BOD1L1: variants seen among roughly 807,000 people sequenced by gnomAD.
BOD1L1 encodes biorientation of chromosomes in cell division 1 like 1.
A neutral mutation model predicts 240.7 loss-of-function variants in BOD1L1; 86 were observed. The observed-to-expected ratio is 0.36, with a 90% confidence interval of 0.30 to 0.43. The LOEUF (loss-of-function observed/expected upper bound fraction) is 0.43. BOD1L1 is among the 20% of genes least tolerant of loss of function. The pLI, the probability that BOD1L1 is intolerant of heterozygous loss-of-function variation, is 1.00. For synonymous variants in BOD1L1, 1,268 were observed against 1,272.3 expected (o/e 1.00, Z 0.07); for missense variants, 3,554 against 3,643.5 (o/e 0.98, Z 0.63).
At position 13,600,960 on chromosome 4, in the gene BOD1L1, A is replaced by G; in HGVS notation, c.5940T>C (p.Thr1980=). The G allele has an allele frequency of 6.2e-7, 1 of 1,613,986 alleles. No homozygotes were observed. Among genetic ancestry groups the G allele is most frequent in the South Asian group, 1.1e-5 (1 of 91,084 alleles). Residue 1980 remains threonine, a synonymous_variant, in exon 10 of 26, where the codon ACT becomes ACC. Transcript: ENST00000040738. ...PVPGGCEGPM[T]SAASDQSDSQ... The stretch of plus-strand genomic sequence containing the variant: ...TGTCACTTTGATCAGATGCAGCACT[A>G]GTCATAGGACCCTCACAACCTCCTG...
At chr4:13,574,430 T>C (rs145466515) in intron 25 of BOD1L1, among the ~76,000 whole-genome samples, 42 of 152,336 alleles carry the variant, frequency 2.8e-4, no homozygotes, top group African/African-American at 9.4e-4. Context: ...GTTTATATTA[T>C]AAAGTGCATG....
intron 8 of BOD1L1, 99 bp downstream of exon 8, chr4:13,608,431 A>C (rs1014054409): frequency 8.8e-7 from 1 of 1,136,658 alleles, no homozygotes; most frequent in African/African-American, 1.6e-5. Flanking sequence ...AGTAACATAC[A>C]CAACCAAAGT....
chr4:13,583,497 A>G (rs1162522320), intron 17 of BOD1L1, among the ~76,000 whole-genome samples: 3 of 152,182 alleles, frequency 2.0e-5, no homozygotes, highest in Non-Finnish European at 4.4e-5. Context: ...GATGCATTCA[A>G]TGTCATTGGG....
chr4:13,581,824 G>A (rs1415751294), intron 19 of BOD1L1, among the ~76,000 whole-genome samples: 2 of 152,094 alleles, frequency 1.3e-5, no homozygotes, highest in African/African-American at 2.4e-5. Flanking sequence ...AGGTCCCCTC[G>A]AGTATTCCCT....
At chr4:13,623,924 A>G (rs1390771598) in intron 1 of BOD1L1, 1 of 152,196 alleles carries the variant, frequency 6.6e-6, no homozygotes, top group Non-Finnish European at 1.5e-5. Context: ...GGTTCTTTGC[A>G]TGAACAGGGA....
At position 13,598,931 on chromosome 4, in the gene BOD1L1, G is replaced by A; in HGVS notation, c.7954+15C>T. 1.3e-6 allele frequency: 2 copies of A among 1,576,928 alleles called. No individual in the cohort carries two copies. Among genetic ancestry groups the A allele is most frequent in the South Asian group, 1.2e-5 (1 of 85,472 alleles). ...TTGTAAATATTAAAATTTGCAATTAGGTACAGATTCTCACCTATGTCACAC... is the reference window on the plus strand; with the variant it reads ...TTGTAAATATTAAAATTTGCAATTAAGTACAGATTCTCACCTATGTCACAC... On this transcript the variant is annotated intron_variant, in intron 10 of 25. Transcript: ENST00000040738.
Position 13,613,030 on chromosome 4 carries a change from C to T in BOD1L1, c.1324+482G>A, listed in dbSNP as rs1394437002. On this transcript the variant is annotated intron_variant, in intron 5 of 25. Transcript: ENST00000040738. This position sits in a 1 kb window ranked among gnomAD's most constrained non-coding sequence, Gnocchi z 4.0. ...GGACTCTGCCCTGTGTGCCTCTTCC[C>T]TTGGCTGATTTTAATCTGAGCACCT... Among the ~76,000 whole-genome samples the T allele has an allele frequency of 6.6e-6, 1 of 152,160 alleles. No individual in the cohort carries two copies. The highest frequency in any genetic ancestry group is 1.9e-4 in the East Asian group (1 of 5,186).
intron 15 of BOD1L1, among the ~76,000 whole-genome samples, chr4:13,588,472 T>C (rs1713905731): frequency 6.6e-6 from 1 of 152,238 alleles, no homozygotes; most frequent in South Asian, 2.1e-4. Flanking sequence ...GGACTTCTTA[T>C]GGTTGATGAA....
intron 25 of BOD1L1, among the ~76,000 whole-genome samples, chr4:13,572,496 T>C (rs562635960): frequency 6.6e-6 from 1 of 152,342 alleles, no homozygotes; most frequent in Admixed American, 6.5e-5. Flanking sequence ...GACAAGCCTG[T>C]GTGGCAGTCC....
Position 13,586,491 on chromosome 4 carries a change from G to A in BOD1L1, c.8354-16C>T. The A allele has an allele frequency of 6.5e-7, 1 of 1,543,150 alleles. No individual in the cohort carries two copies. ...GGATTATCATCTGTAAATCAGTTTA[G>A]ACAGAATCACAAAGGAACAAAAGCT... On this transcript the variant is annotated splice_polypyrimidine_tract_variant and intron_variant, in intron 16 of 25. Transcript: ENST00000040738.
intron 2 of BOD1L1, among the ~76,000 whole-genome samples, chr4:13,618,951 A>C (rs141000719): frequency 1.3e-3 from 195 of 152,172 alleles, no homozygotes; most frequent in African/African-American, 4.6e-3. Context: ...GATGATCTCT[A>C]AATAACTTAG....
In BOD1L1 at chr4:13,594,643, C is replaced by T. The variant is rs559151183; in HGVS notation, c.8104+1217G>A. Among the ~76,000 whole-genome samples, 8 of 152,230 alleles carry T rather than the reference C, an allele frequency of 5.3e-5. No individual in the cohort carries two copies. In the South Asian group the frequency reaches 1.7e-3, roughly 32 times the overall value. ...GGCTTTCAGTGGCTCATGCATGTAA[C>T]CTCAGCACTTTGGGAGGCCAAGGCG... On this transcript the variant is annotated intron_variant, in intron 12 of 25. Transcript: ENST00000040738.
intron 8 of BOD1L1, among the ~76,000 whole-genome samples, chr4:13,607,448 G>A (rs370406222): frequency 3.3e-5 from 5 of 152,190 alleles, no homozygotes; most frequent in African/African-American, 7.2e-5. Context: ...ACAGGCATAC[G>A]CCACAATGCC....
intron 2 of BOD1L1, among the ~76,000 whole-genome samples, chr4:13,615,755 A>G (rs1716535329): frequency 6.6e-6 from 1 of 152,158 alleles, no homozygotes; most frequent in Non-Finnish European, 1.5e-5. Context: ...AAACAGACAA[A>G]ACAAAACACC....
intron 14 of BOD1L1, among the ~76,000 whole-genome samples, chr4:13,590,102 T>C (rs1484594712): frequency 6.6e-6 from 1 of 152,210 alleles, no homozygotes; most frequent in Non-Finnish European, 1.5e-5. Context: ...TCGTTTTGTA[T>C]TTATGTTGGA....
At position 13,603,321 on chromosome 4, in the gene BOD1L1, A is replaced by G; in HGVS notation, c.3579T>C (p.Ser1193=). 1 of 1,613,998 alleles carries G rather than the reference A, an allele frequency of 6.2e-7. No homozygotes were observed. The highest frequency in any genetic ancestry group is 8.5e-7 in the Non-Finnish European group (1 of 1,179,890). The change falls in exon 10 of 26, where the codon TCT becomes TCC. Residue 1193 remains serine (S), a synonymous_variant. Transcript: ENST00000040738. The stretch of plus-strand genomic sequence containing the variant: ...TGCTTCTATGATCGGCATGCTTTTC[A>G]GAATTACTATTAACTCCTGTTCCAC... ...PGRGTGVNSN[S]EKHADHRSTL... is the part of the protein sequence containing the mutation.
chr4:13,612,262 G>A (rs191263487), intron 5 of BOD1L1, among the ~76,000 whole-genome samples: 107 of 152,238 alleles, frequency 7.0e-4, no homozygotes, highest in Non-Finnish European at 4.0e-4. Context: ...TTCTCTCTAG[G>A]TAGCCTATCC....
intron 6 of BOD1L1, among the ~76,000 whole-genome samples, chr4:13,610,014 A>G (rs554348681): frequency 6.6e-6 from 1 of 152,302 alleles, no homozygotes; most frequent in Admixed American, 6.5e-5. Context: ...TAACCAAGTA[A>G]TGTTTTCAAA....
intron 13 of BOD1L1, among the ~76,000 whole-genome samples, chr4:13,590,740 C>T (rs1714138188): frequency 6.6e-6 from 1 of 152,128 alleles, no homozygotes; most frequent in Non-Finnish European, 1.5e-5. Context: ...ATAAATTTCC[C>T]TTCCCATCCA....
Sources: allele counts gnomAD v4.1 joint callset (sites outside exome capture counted in the v4.1 genomes callset), GRCh38; gene constraint gnomAD v4.1.1; non-coding constraint Gnocchi (gnomAD v3.1); transcripts MANE v1.5; gene names NCBI Gene and HGNC (gene_info 2026-07-23, HGNC 2026-07-21).